The following KAT2B variants were observed in gnomAD, a reference collection of about 807,000 sequenced individuals.
KAT2B encodes the protein lysine acetyltransferase 2B, also known as histone acetyltransferase KAT2B.
KAT2B carries 36 observed loss-of-function variants against 105.9 expected under a neutral mutation model. That is an observed-to-expected ratio of 0.34 (90% confidence interval 0.26 to 0.45). The LOEUF (loss-of-function observed/expected upper bound fraction) is 0.45, where lower values mean the gene tolerates loss of function less well. KAT2B is among the 20% of genes least tolerant of loss of function. The probability of loss-of-function intolerance (pLI) is 1.00; values close to 1 mark genes in which losing one functional copy is unlikely to be tolerated. For synonymous variants in KAT2B, 397 were observed against 377.9 expected (o/e 1.05, Z -0.59); for missense variants, 820 against 1,021.6 (o/e 0.80, Z 2.69).
At chr3:20,143,085 A>AT (rs1699722045) in intron 13 of KAT2B, among the ~76,000 whole-genome samples, 1 of 152,160 alleles carries the variant, frequency 6.6e-6, no homozygotes, top group African/African-American at 2.4e-5. Flanking sequence ...TGGGTGATGT[A>AT]TTGGAGATGG....
At chr3:20,077,253 G>T (rs945165544) in intron 2 of KAT2B, among the ~76,000 whole-genome samples, 6 of 152,184 alleles carry the variant, frequency 3.9e-5, no homozygotes. Flanking sequence ...GAGATGGGAG[G>T]ATCCTTTGAG....
At chr3:20,055,815 G>C (rs1231410950) in intron 1 of KAT2B, among the ~76,000 whole-genome samples, 1 of 152,134 alleles carries the variant, frequency 6.6e-6, no homozygotes, top group African/African-American at 2.4e-5. Flanking sequence ...TGCCATTCAA[G>C]TCTCTCTCCC....
chr3:20,049,980 G>A (rs564894534), intron 1 of KAT2B, among the ~76,000 whole-genome samples: 14 of 152,068 alleles, frequency 9.2e-5, no homozygotes, highest in South Asian at 4.1e-4. Context: ...CAGGCGGATC[G>A]CTTGAGCTCA....
rs549370800 is a variant in KAT2B, at chr3:20,078,436, G to A, written c.430+5977G>A. ...TGTCCAGGCTGATGTGCAGTGGTGC[G>A]ATCTCAGCTTACTGCAACCTCCCCC... On this transcript the variant is annotated intron_variant, in intron 2 of 17. Coordinates refer to ENST00000263754, the MANE Select transcript of KAT2B (RefSeq NM_003884.5). Among the ~76,000 whole-genome samples the A allele has an allele frequency of 2.6e-5, 4 of 152,030 alleles. No individual in the cohort carries two copies. In the South Asian group the frequency reaches 6.2e-4, roughly 24 times the overall value.
chr3:20,122,952 G>C, intron 9 of KAT2B, 148 bp downstream of exon 9: 1 of 1,330,424 alleles, frequency 7.5e-7, no homozygotes, highest in Non-Finnish European at 9.6e-7. Context: ...GTGTGGAGAG[G>C]GCAGGAACAA....
At chr3:20,049,023 G>A (rs572364057) in intron 1 of KAT2B, among the ~76,000 whole-genome samples, 32 of 146,490 alleles carry the variant, frequency 2.2e-4, no homozygotes, top group African/African-American at 6.1e-4. Flanking sequence ...CACCACGCCC[G>A]GCTAATTTTT....
intron 1 of KAT2B, among the ~76,000 whole-genome samples, chr3:20,051,034 C>T (rs1697906828): frequency 6.6e-6 from 1 of 151,626 alleles, no homozygotes; most frequent in Non-Finnish European, 1.5e-5. Flanking sequence ...AACCTTGTTT[C>T]TACTAAAATA....
chr3:20,083,423 A>G (rs994193860), intron 2 of KAT2B, among the ~76,000 whole-genome samples: 1 of 152,164 alleles, frequency 6.6e-6, no homozygotes, highest in African/African-American at 2.4e-5. Flanking sequence ...TTTAATATGA[A>G]TTGATTGTCA....
chr3:20,136,105 G>A (rs1699595319), intron 11 of KAT2B, among the ~76,000 whole-genome samples: 1 of 152,144 alleles, frequency 6.6e-6, no homozygotes, highest in African/African-American at 2.4e-5. Context: ...GATTCCATGA[G>A]ATCATACCTG....
At chr3:20,070,890 C>T (rs1264497752) in intron 1 of KAT2B, among the ~76,000 whole-genome samples, 2 of 151,286 alleles carry the variant, frequency 1.3e-5, no homozygotes. Flanking sequence ...ATGCCAGTAA[C>T]CCCAGCTACT....
At chr3:20,093,732 A>G (rs1354988523) in intron 2 of KAT2B, among the ~76,000 whole-genome samples, 1 of 152,182 alleles carries the variant, frequency 6.6e-6, no homozygotes, top group Non-Finnish European at 1.5e-5. Flanking sequence ...CATTTCAAGC[A>G]CTTTAATCTT....
At chr3:20,043,059 C>CTAT (rs890068863) in intron 1 of KAT2B, among the ~76,000 whole-genome samples, 2 of 151,888 alleles carry the variant, frequency 1.3e-5, no homozygotes. Flanking sequence ...CGCCAGTACA[C>CTAT]TATTATTATT....
Position 20,135,376 on chromosome 3 carries a change from C to T in KAT2B, c.1750-1566C>T, listed in dbSNP as rs969492932. On this transcript the variant is annotated intron_variant, in intron 11 of 17. Transcript: ENST00000263754. ...AACTCCGAAAAAAGTGATTAGTGGC[C>T]GGGCGCGGTGGCTCACGCCTGTAAT... Among the ~76,000 whole-genome samples, 13 of 151,974 alleles carry T rather than the reference C, an allele frequency of 8.6e-5. 1 individual carries two copies. Among genetic ancestry groups the T allele is most frequent in the Admixed American group, 6.6e-5 (1 of 15,242 alleles).
chr3:20,143,569 A>C (rs1253088013), intron 13 of KAT2B, among the ~76,000 whole-genome samples: 1 of 152,236 alleles, frequency 6.6e-6, no homozygotes. Context: ...TCTTACAAAA[A>C]GATACATGTG....
At chr3:20,049,275 G>C (rs950619400) in intron 1 of KAT2B, among the ~76,000 whole-genome samples, 11 of 152,134 alleles carry the variant, frequency 7.2e-5, no homozygotes, top group Non-Finnish European at 1.5e-4. Context: ...AAAGTTCTTG[G>C]AACCTAGGCA....
Position 20,148,463 on chromosome 3 carries a change from T to C in KAT2B, c.2281T>C (p.Tyr761His). ...PVKRTEAPGY[Y>H]EVIRFPMDLK... The stretch of plus-strand genomic sequence containing the variant: ...GAAGAGAACAGAAGCTCCAGGATAT[T>C]ATGAAGTTATAAGGTTCCCCATGGG... Residue 761 changes from tyrosine (Y) to histidine (H), a missense_variant, in exon 17 of 18, where the codon TAT becomes CAT. Around this residue, in one of 6 missense-constraint regions of KAT2B, gnomAD observed 227 missense variants for 292.9 expected, o/e 0.77. Transcript: ENST00000263754. 6.2e-7 allele frequency: 1 copy of C among 1,605,708 alleles called. No individual in the cohort carries two copies. Among genetic ancestry groups the C allele is most frequent in the Non-Finnish European group, 8.5e-7 (1 of 1,177,606 alleles).
chr3:20,101,258 A>C (rs530131097), intron 4 of KAT2B, 29 bp from the exon 5 acceptor site: 1 of 1,597,260 alleles, frequency 6.3e-7, no homozygotes, highest in African/African-American at 1.3e-5. Context: ...GCATAGCTGC[A>C]TGAAGAAATT....
At chr3:20,054,406 C>G (rs918974364) in intron 1 of KAT2B, among the ~76,000 whole-genome samples, 1 of 152,128 alleles carries the variant, frequency 6.6e-6, no homozygotes, top group African/African-American at 2.4e-5. Context: ...GGATTGATTA[C>G]AGATGTGAAG....
intron 1 of KAT2B, among the ~76,000 whole-genome samples, chr3:20,054,854 C>T (rs1053761463): frequency 1.3e-5 from 2 of 152,162 alleles, no homozygotes; most frequent in African/African-American, 4.8e-5. Context: ...CATCCCACCT[C>T]GAAAGGAACA....
Sources: gnomAD v4.1 joint callset for allele counts (sites outside exome capture counted in the v4.1 genomes callset) on GRCh38, gnomAD v4.1.1 for gene constraint, gnomAD v4.1.1 regional missense constraint, MANE v1.5 for transcripts, NCBI Gene and HGNC (gene_info 2026-07-23, HGNC 2026-07-21) for gene names.